Variants in PCDHGA4 observed in about 807,000 individuals in gnomAD.
PCDHGA4 encodes the protein protocadherin gamma subfamily A, 4.
Under a neutral mutation model 54.6 loss-of-function variants are expected in PCDHGA4, and 38 were observed. The observed-to-expected ratio is 0.70, with a 90% CI of 0.54 to 0.91. PCDHGA4 has a LOEUF of 0.91. PCDHGA4 is among the 40% of genes least tolerant of loss of function. The probability of loss-of-function intolerance (pLI) is 0.00; values close to 1 mark genes in which losing one functional copy is unlikely to be tolerated. For synonymous variants in PCDHGA4, 511 were observed against 512.9 expected (o/e 1.00, Z 0.05); for missense variants, 1,298 against 1,220.9 (o/e 1.06, Z -0.94).
Position 141,489,322 on chromosome 5 carries a change from T to G in PCDHGA4, c.2515-5485T>G. 1.9e-6 allele frequency: 3 copies of G among 1,601,052 alleles called. No homozygotes were observed. The highest frequency in any genetic ancestry group is 2.2e-5 in the East Asian group (1 of 44,726). On this transcript the variant is annotated intron_variant, in intron 1 of 3. Transcript: ENST00000571252. This position sits in a 1 kb window ranked among gnomAD's most constrained non-coding sequence, Gnocchi z 4.5. The stretch of plus-strand genomic sequence containing the variant: ...GTCCTTGTGCTGCTGGGGCTGGGTG[T>G]CTGGGCAGCTTCGTTACTCAGTGGT...
intron 1 of PCDHGA4, chr5:141,430,634 C>G: frequency 1.1e-6 from 1 of 882,730 alleles, no homozygotes; most frequent in Non-Finnish European, 1.7e-6. Flanking sequence ...TGAACCATCC[C>G]TGGGAGTATG....
intron 2 of PCDHGA4, among the ~76,000 whole-genome samples, chr5:141,501,018 G>A (rs1337771734): frequency 2.0e-5 from 3 of 151,882 alleles, no homozygotes; most frequent in East Asian, 1.9e-4. Context: ...ACAGGCACGC[G>A]CCACCACGCC....
In PCDHGA4 at chr5:141,496,208, G is replaced by T. The variant is rs530974273; in HGVS notation, c.2573+1343G>T. On this transcript the variant is annotated intron_variant, in intron 2 of 3. Coordinates refer to ENST00000571252, the MANE Select transcript of PCDHGA4 (RefSeq NM_018917.4). Reference sequence around the variant, plus strand: ...CCAGCTGCTCATTTCAATCTGGTATGAATTCCTGCTGAGACAGGAACCCCC... The same window carrying T: ...CCAGCTGCTCATTTCAATCTGGTATTAATTCCTGCTGAGACAGGAACCCCC... Among the ~76,000 whole-genome samples, 13 of 152,222 alleles carry T rather than the reference G, an allele frequency of 8.5e-5. No homozygotes were observed. In the East Asian group the frequency reaches 2.3e-3, roughly 27 times the overall value.
intron 1 of PCDHGA4, among the ~76,000 whole-genome samples, chr5:141,450,061 C>A (rs1219642208): frequency 7.2e-6 from 1 of 139,334 alleles, no homozygotes; most frequent in Non-Finnish European, 1.5e-5. Context: ...GGCTGGAATG[C>A]AGTGGTATGA....
Position 141,390,867 on chromosome 5 carries a change from C to T in PCDHGA4, c.2514+33246C>T, listed in dbSNP as rs370388746. On this transcript the variant is annotated intron_variant, in intron 1 of 3. Transcript: ENST00000571252. Reference sequence around the variant, plus strand: ...TTATATGCAGTGTACGCTGTGTGTGCGTGTGTGTGTGTGTGTGTGTGAGAG... The same window carrying T: ...TTATATGCAGTGTACGCTGTGTGTGTGTGTGTGTGTGTGTGTGTGTGAGAG... The T allele has an allele frequency of 2.6e-4, 39 of 151,156 alleles. No homozygotes were observed. In the South Asian group the frequency reaches 4.4e-3, roughly 17 times the overall value. 9.4% of individuals were successfully genotyped at this position (151,156 alleles called of 1,614,324 possible).
chr5:141,427,825 C>A (rs1342117815), intron 1 of PCDHGA4: 1 of 1,536,464 alleles, frequency 6.5e-7, no homozygotes, highest in Non-Finnish European at 8.9e-7. Flanking sequence ...GTGGTGGTCG[C>A]GCAGCGTGCC....
intron 1 of PCDHGA4, chr5:141,371,701 A>C: frequency 6.2e-7 from 1 of 1,614,064 alleles, no homozygotes; most frequent in Non-Finnish European, 8.5e-7. Flanking sequence ...TCCTCCAGCA[A>C]GACCATCACT....
At chr5:141,362,450 C>A (rs766571642) in intron 1 of PCDHGA4, 1 of 1,614,050 alleles carries the variant, frequency 6.2e-7, no homozygotes, top group Non-Finnish European at 8.5e-7. Flanking sequence ...AACATAACCC[C>A]GGAATTGGTT....
intron 1 of PCDHGA4, among the ~76,000 whole-genome samples, chr5:141,445,318 G>T (rs182520609): frequency 2.0e-4 from 30 of 152,306 alleles, no homozygotes; most frequent in African/African-American, 7.2e-4. Context: ...TAGGTTGAGA[G>T]AACCCATCCA....
chr5:141,403,068 C>T, intron 1 of PCDHGA4: 1 of 1,614,064 alleles, frequency 6.2e-7, no homozygotes, highest in South Asian at 1.1e-5. Flanking sequence ...CCTGAAGAGA[C>T]AGAAAAGGGC....
At chr5:141,456,574 T>G (rs373414652) in intron 1 of PCDHGA4, among the ~76,000 whole-genome samples, 3 of 152,198 alleles carry the variant, frequency 2.0e-5, no homozygotes, top group South Asian at 4.1e-4. Flanking sequence ...ACATTTTCCC[T>G]GAGCCTGTCA....
chr5:141,374,511 T>C (rs1235970803), intron 1 of PCDHGA4: 45 of 1,611,794 alleles, frequency 2.8e-5, no homozygotes, highest in Non-Finnish European at 3.7e-5. Context: ...GTGAAAATTC[T>C]CGAAAACGCA....
chr5:141,383,357 C>A lies in PCDHGA4; in HGVS notation c.2514+25736C>A, dbSNP rs769784659. The A allele has an allele frequency of 9.9e-6, 16 of 1,613,956 alleles. No homozygotes were observed. The South Asian group carries it at 1.8e-4, about 18-fold the overall frequency. ...AATACAGCTCCTGGGGTTCGGTTTC[C>A]GTTAAGCGAGGCTGGGGATCCAGAT... On this transcript the variant is annotated intron_variant, in intron 1 of 3. Transcript: ENST00000571252.
At chr5:141,370,989 C>A in intron 1 of PCDHGA4, 2 of 1,613,982 alleles carry the variant, frequency 1.2e-6, no homozygotes, top group East Asian at 2.2e-5. Flanking sequence ...ACTGAAAGCA[C>A]CCCTGGACAG....
Position 141,394,244 on chromosome 5 carries a change from C to G in PCDHGA4, c.2514+36623C>G, listed in dbSNP as rs371631729. Reference sequence around the variant, plus strand: ...CCTCCATCTTTTCCTTGACTGCACACGACCCCGACAGCCAGGAGAATGCCC... The same window carrying G: ...CCTCCATCTTTTCCTTGACTGCACAGGACCCCGACAGCCAGGAGAATGCCC... On this transcript the variant is annotated intron_variant, in intron 1 of 3. Coordinates refer to ENST00000571252, the MANE Select transcript of PCDHGA4 (RefSeq NM_018917.4). The G allele has an allele frequency of 1.2e-5, 19 of 1,613,820 alleles. No homozygotes were observed. Among genetic ancestry groups the G allele is most frequent in the Middle Eastern group, 1.6e-4 (1 of 6,084 alleles).
At chr5:141,366,937 T>G in intron 1 of PCDHGA4, 1 of 860,432 alleles carries the variant, frequency 1.2e-6, no homozygotes, top group Non-Finnish European at 1.7e-6. Context: ...TTGGGAAGTC[T>G]AGCTGATATC....
chr5:141,405,138 G>A (rs777486710), intron 1 of PCDHGA4: 4 of 1,613,962 alleles, frequency 2.5e-6, no homozygotes, highest in Non-Finnish European at 3.4e-6. Flanking sequence ...CGGGCTACCA[G>A]TGATGGGTTG....
intron 1 of PCDHGA4, chr5:141,419,964 T>A (rs151105903): frequency 1.2e-6 from 2 of 1,613,964 alleles, no homozygotes; most frequent in African/African-American, 2.7e-5. Context: ...ATTTCTGTGC[T>A]CTTTCTCCTC....
intron 1 of PCDHGA4, among the ~76,000 whole-genome samples, chr5:141,436,749 C>T (rs2097844674): frequency 6.6e-6 from 1 of 152,154 alleles, no homozygotes; most frequent in Admixed American, 6.5e-5. Flanking sequence ...TGTGCTTCTC[C>T]ATATGGTATA....
Sources: allele counts gnomAD v4.1 joint callset (sites outside exome capture counted in the v4.1 genomes callset), GRCh38; gene constraint gnomAD v4.1.1; non-coding constraint Gnocchi (gnomAD v3.1); transcripts MANE v1.5; gene names NCBI Gene and HGNC (gene_info 2026-07-23, HGNC 2026-07-21).